PIK3R2: variants seen among roughly 807,000 people sequenced by gnomAD.
The protein encoded by PIK3R2 is phosphoinositide-3-kinase regulatory subunit 2.
In PIK3R2, 40 loss-of-function variants were observed where a neutral mutation model predicts 78.5. The ratio of observed to expected loss-of-function variants is 0.51; its 90% CI spans 0.40 to 0.66. The LOEUF (loss-of-function observed/expected upper bound fraction) is 0.66, where lower values mean the gene tolerates loss of function less well. PIK3R2 is among the 30% of genes least tolerant of loss of function. The pLI is 0.00. For missense variants in PIK3R2, 880 were observed against 1,026.6 expected (o/e 0.86, Z 1.95); for synonymous variants, 473 against 457.7 (o/e 1.03, Z -0.43).
chr19:18,169,077 G>GC lies in PIK3R2; in HGVS notation c.1980-5dup, dbSNP rs1372893328. The GC allele has an allele frequency of 6.2e-7, 1 of 1,607,922 alleles. No individual in the cohort carries two copies. ...AGCCTTCCGACTCCCCCTCTCGTCT[G>GC]CCCCCACAGAGTGGACGGCGACACC... On this transcript the variant is annotated splice_polypyrimidine_tract_variant and intron_variant, in intron 15 of 15. Transcript: ENST00000222254.
chr19:18,157,393 C>A (rs539410764), intron 2 of PIK3R2, among the ~76,000 whole-genome samples: 1 of 152,336 alleles, frequency 6.6e-6, no homozygotes, highest in African/African-American at 2.4e-5. Context: ...TGCCCAGCCC[C>A]ACCCTCTGAA....
rs2147957926 is a variant in PIK3R2 at position 18,167,282 on chromosome 19, G to A, written c.1712G>A (p.Arg571His). The change falls in exon 13 of 16, where the codon CGC (arginine) becomes CAC (histidine). Residue 571 changes from arginine to histidine, a missense_variant. Physicochemically the swap from Arg to His is conservative, Grantham distance 29. Transcript: ENST00000222254. This position sits in a 1 kb window ranked among gnomAD's most constrained non-coding sequence, Gnocchi z 4.5. ...CTCAAGCCGGACCTCATGCAGCTGC[G>A]CAAGATCCGAGACCAGTACCTCGTG... ...NSLKPDLMQL[R>H]KIRDQYLVWL... 1.2e-6 allele frequency: 2 copies of A among 1,604,620 alleles called. No homozygotes were observed. The highest frequency in any genetic ancestry group is 1.1e-5 in the South Asian group (1 of 89,572).
chr19:18,161,452 CCGCCGCCGCCGTCCT>C lies in PIK3R2; in HGVS notation c.783_797del (p.Ser262_Pro266del), dbSNP rs1253096871. 5 of 1,197,046 alleles carry C rather than the reference CCGCCGCCGCCGTCCT, an allele frequency of 4.2e-6. No individual in the cohort carries two copies. The highest frequency in any genetic ancestry group is 1.6e-5 in the African/African-American group (1 of 62,650). 74.2% of individuals were successfully genotyped at this position (1,197,046 alleles called of 1,614,324 possible). A position where few individuals can be genotyped will look rare whatever the true frequency, so the allele number is the denominator to read the frequency against. On this transcript the variant is annotated inframe_deletion, in exon 6 of 16. Transcript: ENST00000222254. The surrounding 1 kb of genome is among the most constrained non-coding windows in gnomAD (Gnocchi z 5.3). ...CTTTGGGCCGCTGCTGCTGCGCGCG[CCGCCGCCGCCGTCCT>C]CGCCGCCGCCAGGGGGCGCTCCCGA...
At chr19:18,157,714 ACCT>A (rs2043692782) in intron 2 of PIK3R2, among the ~76,000 whole-genome samples, 1 of 120,150 alleles carries the variant, frequency 8.3e-6, no homozygotes, top group African/African-American at 3.2e-5. Context: ...ACCCACCTCC[ACCT>A]CCTCCTTGTC....
At position 18,161,394 on chromosome 19, in the gene PIK3R2, C is replaced by T; in HGVS notation, c.714C>T (p.Ala238=). ...GCCGCGTGGCCAGCCGCGCCCCGGC[C>T]CTGGGTCCCGCGGTCCGGGCCCTGG... The part of the protein sequence containing the change: ...HLGRVASRAP[A]LGPAVRALGA... The change falls in exon 6 of 16, where the codon GCC becomes GCT. Residue 238 remains alanine (A), a synonymous_variant. Transcript: ENST00000222254. The surrounding 1 kb of genome is among the most constrained non-coding windows in gnomAD (Gnocchi z 5.3). 8.1e-7 allele frequency: 1 copy of T among 1,227,390 alleles called. No individual in the cohort carries two copies. The highest frequency in any genetic ancestry group is 1.0e-6 in the Non-Finnish European group (1 of 985,912). 76.0% of individuals were successfully genotyped at this position (1,227,390 alleles called of 1,614,324 possible).
chr19:18,160,171 G>T (rs940184610), intron 2 of PIK3R2, among the ~76,000 whole-genome samples: 1 of 152,188 alleles, frequency 6.6e-6, no homozygotes, highest in Admixed American at 6.6e-5. Flanking sequence ...CAGGTACCAG[G>T]GATGAGGACT....
At chr19:18,163,875 C>G (rs555858034) in intron 11 of PIK3R2, among the ~76,000 whole-genome samples, 1 of 151,306 alleles carries the variant, frequency 6.6e-6, no homozygotes, top group South Asian at 2.1e-4. Flanking sequence ...GCCTGTAATC[C>G]CAGCACTTTG....
intron 3 of PIK3R2, 111 bp from the exon 4 acceptor site, chr19:18,160,808 C>G (rs1399201944): frequency 7.3e-7 from 1 of 1,366,068 alleles, no homozygotes. Flanking sequence ...CTCCCATGCC[C>G]TTATCTCTGG....
intron 3 of PIK3R2, 84 bp from the exon 4 acceptor site, chr19:18,160,835 G>T: frequency 6.7e-7 from 1 of 1,485,898 alleles, no homozygotes; most frequent in Non-Finnish European, 9.2e-7. Flanking sequence ...AAGGGAGACT[G>T]CAGGGGGGTT....
rs2043843764 is a variant in PIK3R2, at chr19:18,169,253, G to C, written c.2146G>C (p.Val716Leu). ...DALTVTLAHP[V>L]RAPGPGPPPA... ...GCTCACCGTCACCCTGGCGCACCCA[G>C]TGCGCGCCCCGGGCCCCGGCCCGCC... The change falls in exon 16 of 16, where the codon GTG becomes CTG. Residue 716 changes from valine to leucine, a missense_variant. Coordinates refer to ENST00000222254, the MANE Select transcript of PIK3R2 (RefSeq NM_005027.4). 9 of 1,562,336 alleles carry C rather than the reference G, an allele frequency of 5.8e-6. No individual in the cohort carries two copies. Among genetic ancestry groups the C allele is most frequent in the Non-Finnish European group, 7.7e-6 (9 of 1,162,000 alleles).
chr19:18,168,824 T>G lies in PIK3R2; in HGVS notation c.1907T>G (p.Leu636Arg). 1.2e-6 allele frequency: 2 copies of G among 1,613,948 alleles called. No individual in the cohort carries two copies. Among genetic ancestry groups the G allele is most frequent in the Non-Finnish European group, 1.7e-6 (2 of 1,179,936 alleles). ...AACCGCACGCAGGCAGAGGAGATGC[T>G]GAGTGGCAAGCGGGATGGCACCTTC... ...KINRTQAEEM[L>R]SGKRDGTFLI... Residue 636 changes from leucine (L) to arginine (R), a missense_variant, in exon 15 of 16, where the codon CTG (leucine) becomes CGG (arginine). This residue lies in a region of PIK3R2 where 268 missense variants were observed against 299.1 expected (regional missense o/e 0.90). Transcript: ENST00000222254. This position sits in a 1 kb window ranked among gnomAD's most constrained non-coding sequence, Gnocchi z 4.1.
At chr19:18,162,557 C>T (rs373892602) in intron 9 of PIK3R2, 51 bp downstream of exon 9, 29 of 1,501,504 alleles carry the variant, frequency 1.9e-5, no homozygotes, top group African/African-American at 4.1e-5. Context: ...TCACAGAGAC[C>T]GGGAGTTCAG....
intron 2 of PIK3R2, among the ~76,000 whole-genome samples, chr19:18,159,061 C>G (rs1381255192): frequency 2.0e-5 from 3 of 149,512 alleles, no homozygotes; most frequent in Non-Finnish European, 4.4e-5. Context: ...AGGCTGGTCT[C>G]AAACTCCTGA....
chr19:18,161,285 CGGGGCCCGT>C lies in PIK3R2; in HGVS notation c.612_620del (p.Val205_Pro207del), dbSNP rs2043741307. The C allele has an allele frequency of 7.2e-7, 1 of 1,391,794 alleles. No individual in the cohort carries two copies. The highest frequency in any genetic ancestry group is 1.6e-5 in the South Asian group (1 of 63,052). The allele number at this position is 1,391,794 out of a possible 1,614,324, so 86.2% of individuals were successfully genotyped here. A position where few individuals can be genotyped will look rare whatever the true frequency, so the allele number is the denominator to read the frequency against. The stretch of plus-strand genomic sequence containing the variant: ...CCTGGCCATCTGTCCGCAGAGGCCG[CGGGGCCCGT>C]GGGGCCGGCGCTGGAGCCACCGACG... On this transcript the variant is annotated inframe_deletion, in exon 6 of 16. Transcript: ENST00000222254. This position sits in a 1 kb window ranked among gnomAD's most constrained non-coding sequence, Gnocchi z 5.3.
At chr19:18,165,978 G>T (rs1020271244) in intron 11 of PIK3R2, 182 bp from the exon 12 acceptor site, 4 of 765,454 alleles carry the variant, frequency 5.2e-6, no homozygotes, top group African/African-American at 1.7e-5. Context: ...AAGAGGGTTT[G>T]GGGGGTGGGG....
chr19:18,159,353 C>G (rs528903706), intron 2 of PIK3R2, among the ~76,000 whole-genome samples: 1 of 151,946 alleles, frequency 6.6e-6, no homozygotes, highest in Admixed American at 6.6e-5. Flanking sequence ...GGTCGTGCCC[C>G]CTCTGAAGTT....
At chr19:18,158,732 GC>G (rs1373221596) in intron 2 of PIK3R2, among the ~76,000 whole-genome samples, 3 of 152,200 alleles carry the variant, frequency 2.0e-5, no homozygotes, top group Admixed American at 1.3e-4. Flanking sequence ...GCAGGTTGTG[GC>G]AGAGCCCAAA....
In PIK3R2 at chr19:18,160,491, C is replaced by T. The variant is rs2147949253; in HGVS notation, c.343C>T (p.Pro115Ser). 1 of 1,613,670 alleles carries T rather than the reference C, an allele frequency of 6.2e-7. No homozygotes were observed. Among genetic ancestry groups the T allele is most frequent in the Non-Finnish European group, 8.5e-7 (1 of 1,179,580 alleles). Residue 115 changes from proline to serine, a missense_variant, in exon 3 of 16, where the codon CCC becomes TCC. Pro to Ser is a moderately conservative substitution (Grantham distance 74). Around this residue, in one of 3 missense-constraint regions of PIK3R2, gnomAD observed 456 missense variants for 486.6 expected, o/e 0.94. Transcript: ENST00000222254. Reference protein sequence around the residue: ...PEPGLTLPDLPEQFSPPDVAP... With the variant: ...PEPGLTLPDLSEQFSPPDVAP... ...ACCAGGCCTCACACTCCCCGACTTGCCCGAGCAGTTCTCCCCACCTGATGT... is the reference window on the plus strand; with the variant it reads ...ACCAGGCCTCACACTCCCCGACTTGTCCGAGCAGTTCTCCCCACCTGATGT...
chr19:18,162,135 G>A (rs2043755362), intron 7 of PIK3R2, 67 bp from the exon 8 acceptor site: 2 of 1,468,008 alleles, frequency 1.4e-6, no homozygotes, highest in Non-Finnish European at 9.5e-7. Context: ...CAGCAGGCTG[G>A]TTGCAGTGGG....
Sources: allele counts gnomAD v4.1 joint callset (sites outside exome capture counted in the v4.1 genomes callset), GRCh38; gene constraint gnomAD v4.1.1; regional missense constraint gnomAD v4.1.1; non-coding constraint Gnocchi (gnomAD v3.1); transcripts MANE v1.5; gene names NCBI Gene and HGNC (gene_info 2026-07-23, HGNC 2026-07-21).